LMBR1: variants seen among roughly 807,000 people sequenced by gnomAD.
The protein encoded by LMBR1 is limb development membrane protein 1, also known as limb region 1 protein homolog.
In LMBR1, 52 loss-of-function variants were observed where a neutral mutation model predicts 73.9. The observed-to-expected ratio is 0.70, with a 90% CI of 0.56 to 0.89. LMBR1 has a LOEUF of 0.89. Among genes scored for constraint, LMBR1 ranks in the 40% least tolerant of loss-of-function variants. The probability of loss-of-function intolerance (pLI) is 0.00; values close to 1 mark genes in which losing one functional copy is unlikely to be tolerated. For synonymous variants in LMBR1, 215 were observed against 209.4 expected, an observed-to-expected ratio of 1.03 and a Z score of -0.23; for missense variants, 539 against 579.8, an observed-to-expected ratio of 0.93 and a Z score of 0.72.
chr7:156,734,150 C>T, intron 10 of LMBR1, 27 bp downstream of exon 10: 1 of 1,440,802 alleles, frequency 6.9e-7, no homozygotes, highest in South Asian at 1.2e-5. Flanking sequence ...GGCCAATACA[C>T]AAGTCAAGAA....
chr7:156,672,805 A>G (rs571263048), downstream of LMBR1, among the ~76,000 whole-genome samples: 9 of 152,350 alleles, frequency 5.9e-5, no homozygotes, highest in Non-Finnish European at 1.2e-4. Context: ...AGCGATACCC[A>G]TGCTTGGAGT....
At chr7:156,759,827 G>A (rs11770109) in intron 8 of LMBR1, among the ~76,000 whole-genome samples, 5,958 of 152,270 alleles carry the variant, frequency 0.039, 173 homozygotes, top group Non-Finnish European at 0.049. Context: ...AGGGGAAGGA[G>A]TTCTTATTTC....
At chr7:156,742,617 TAA>T (rs1348882844) in intron 9 of LMBR1, among the ~76,000 whole-genome samples, 2 of 152,072 alleles carry the variant, frequency 1.3e-5, no homozygotes, top group Admixed American at 6.5e-5. Flanking sequence ...AAACCTGTAA[TAA>T]AAAGTTTCCC....
chr7:156,740,937 TACA>T (rs1377034041), intron 9 of LMBR1, among the ~76,000 whole-genome samples: 2 of 152,038 alleles, frequency 1.3e-5, no homozygotes, highest in Non-Finnish European at 2.9e-5. Context: ...AAATAATAAC[TACA>T]ACAACTTTTC....
intron 1 of LMBR1, among the ~76,000 whole-genome samples, chr7:156,865,761 T>C (rs1443744385): frequency 6.6e-6 from 1 of 152,148 alleles, no homozygotes; most frequent in Non-Finnish European, 1.5e-5. Flanking sequence ...ACTAAGAGTC[T>C]AAAAACAAAC....
At chr7:156,885,714 T>C (rs1362951203) in intron 1 of LMBR1, among the ~76,000 whole-genome samples, 2 of 151,912 alleles carry the variant, frequency 1.3e-5, no homozygotes, top group African/African-American at 2.4e-5. Context: ...CTGCCTCTAC[T>C]AAAAATTCAA....
At chr7:156,736,195 C>T (rs965491090) in intron 9 of LMBR1, among the ~76,000 whole-genome samples, 1 of 152,166 alleles carries the variant, frequency 6.6e-6, no homozygotes, top group African/African-American at 2.4e-5. Context: ...TTCTGCCAAT[C>T]TCATCTAACC....
At chr7:156,855,124 G>A (rs897523703) in intron 1 of LMBR1, among the ~76,000 whole-genome samples, 1 of 152,152 alleles carries the variant, frequency 6.6e-6, no homozygotes, top group African/African-American at 2.4e-5. Context: ...GGGATTATGA[G>A]AGTCTGAATT....
intron 15 of LMBR1, among the ~76,000 whole-genome samples, chr7:156,706,742 G>A (rs1288097490): frequency 2.0e-5 from 3 of 151,826 alleles, no homozygotes; most frequent in African/African-American, 7.3e-5. Context: ...GTGCTAGGAG[G>A]GAAGTTTATG....
At chr7:156,726,778 T>C (rs764356270) in intron 12 of LMBR1, among the ~76,000 whole-genome samples, 2 of 152,154 alleles carry the variant, frequency 1.3e-5, no homozygotes, top group Non-Finnish European at 2.9e-5. Flanking sequence ...ATCTGTCTCC[T>C]TCTCCTGCGA....
intron 9 of LMBR1, among the ~76,000 whole-genome samples, chr7:156,750,738 C>T (rs74660042): frequency 0.032 from 4,844 of 152,256 alleles, 122 homozygotes; most frequent in South Asian, 0.084. Context: ...ATTATAGAAT[C>T]AGGGTACAGA....
rs1838805317 is a variant in LMBR1 at position 156,842,094 on chromosome 7, A to G, written c.67-5209T>C. Reference sequence around the variant, plus strand: ...GTGGTGAAAGCAGAAAGACATGACTACATTTTTTGATGGCATCTATTTCCT... The same window carrying G: ...GTGGTGAAAGCAGAAAGACATGACTGCATTTTTTGATGGCATCTATTTCCT... On this transcript the variant is annotated intron_variant, in intron 1 of 16. Transcript: ENST00000353442. Among the ~76,000 whole-genome samples the G allele has an allele frequency of 1.3e-5, 2 of 150,966 alleles. 1 individual carries two copies. The highest frequency in any genetic ancestry group is 3.0e-5 in the Non-Finnish European group (2 of 67,678).
chr7:156,720,563 A>G (rs913643422), intron 15 of LMBR1, among the ~76,000 whole-genome samples: 3 of 152,104 alleles, frequency 2.0e-5, no homozygotes, highest in Non-Finnish European at 4.4e-5. Flanking sequence ...CTTTATTCTT[A>G]AAGATCTCAA....
chr7:156,884,025 A>G (rs527804081), intron 1 of LMBR1, among the ~76,000 whole-genome samples: 11 of 152,206 alleles, frequency 7.2e-5, no homozygotes, highest in Non-Finnish European at 1.6e-4. Context: ...CAGTTTAGAA[A>G]AGTCAAATAC....
intron 10 of LMBR1, among the ~76,000 whole-genome samples, chr7:156,732,900 T>TC (rs1817123034): frequency 6.6e-6 from 1 of 152,170 alleles, no homozygotes; most frequent in South Asian, 2.1e-4. Flanking sequence ...TCCCAGTACT[T>TC]TGGGAGGCTG....
chr7:156,869,921 T>C (rs898904224), intron 1 of LMBR1, among the ~76,000 whole-genome samples: 2 of 152,098 alleles, frequency 1.3e-5, no homozygotes, highest in Non-Finnish European at 2.9e-5. Context: ...AAAGGACAAG[T>C]TTTTGTTTAC....
chr7:156,801,370 G>GCA (rs1235003810), intron 4 of LMBR1, among the ~76,000 whole-genome samples: 1 of 152,134 alleles, frequency 6.6e-6, no homozygotes, highest in Non-Finnish European at 1.5e-5. Context: ...CATTGCTATT[G>GCA]CACACTTAAT....
downstream of LMBR1, among the ~76,000 whole-genome samples, chr7:156,674,335 G>C (rs1803315567): frequency 6.6e-6 from 1 of 152,238 alleles, no homozygotes. Flanking sequence ...GGCCCCACCT[G>C]GGCATGGGGG....
At chr7:156,868,457 C>T (rs1372944541) in intron 1 of LMBR1, among the ~76,000 whole-genome samples, 1 of 152,084 alleles carries the variant, frequency 6.6e-6, no homozygotes, top group African/African-American at 2.4e-5. Context: ...GGGCAGATCA[C>T]AAGGTCAGGA....
Sources: gnomAD v4.1 joint callset for allele counts (sites outside exome capture counted in the v4.1 genomes callset) on GRCh38, gnomAD v4.1.1 for gene constraint, MANE v1.5 for transcripts, NCBI Gene and HGNC (gene_info 2026-07-23, HGNC 2026-07-21) for gene names.